The following KLF13 variants were observed in gnomAD, a reference collection of about 807,000 sequenced individuals.
The protein encoded by KLF13 is KLF transcription factor 13.
In KLF13, 8 loss-of-function variants were observed where a neutral mutation model predicts 16.7. The observed-to-expected ratio is 0.48, with a 90% CI of 0.28 to 0.87. The LOEUF (loss-of-function observed/expected upper bound fraction) is 0.87. KLF13 is among the 40% of genes least tolerant of loss of function. KLF13 has a pLI of 0.10. For synonymous variants in KLF13, 245 were observed against 208.4 expected, an observed-to-expected ratio of 1.18 and a Z score of -1.51; for missense variants, 447 against 452.2, an observed-to-expected ratio of 0.99 and a Z score of 0.10.
intron 1 of KLF13, among the ~76,000 whole-genome samples, chr15:31,384,191 C>A (rs1266664923): frequency 2.6e-5 from 4 of 152,186 alleles, no homozygotes; most frequent in Non-Finnish European, 5.9e-5. Flanking sequence ...GTAATCCCAG[C>A]ACTTTGGAAG....
chr15:31,336,382 T>G (rs192669188), intron 1 of KLF13, among the ~76,000 whole-genome samples: 47 of 152,250 alleles, frequency 3.1e-4, no homozygotes, highest in African/African-American at 1.1e-3. Flanking sequence ...CCAAGTGTCC[T>G]GGCATGTGGG....
chr15:31,369,812 T>G (rs1224497530), intron 1 of KLF13, among the ~76,000 whole-genome samples: 2 of 152,210 alleles, frequency 1.3e-5, no homozygotes, highest in Non-Finnish European at 2.9e-5. Flanking sequence ...GCCCTGTTCC[T>G]TTGTCTTCAG....
rs565254170 is a variant in KLF13 at position 31,359,086 on chromosome 15, G to C, written c.578-12924G>C. 3.9e-5 allele frequency among the ~76,000 whole-genome samples: 6 copies of C among 152,324 alleles called. No individual in the cohort carries two copies. In the South Asian group the frequency reaches 1.2e-3, roughly 32 times the overall value. On this transcript the variant is annotated intron_variant, in intron 1 of 1. Coordinates refer to ENST00000307145, the MANE Select transcript of KLF13 (RefSeq NM_015995.4). Reference sequence around the variant, plus strand: ...CTCTCATGAGTCCACAGGTAGCACCGTTCATCTGGAGAAGGCCTTCACTTG... The same window carrying C: ...CTCTCATGAGTCCACAGGTAGCACCCTTCATCTGGAGAAGGCCTTCACTTG...
At chr15:31,343,767 G>A (rs1466294071) in intron 1 of KLF13, among the ~76,000 whole-genome samples, 1 of 152,190 alleles carries the variant, frequency 6.6e-6, no homozygotes, top group African/African-American at 2.4e-5. Context: ...GTCCTGATGT[G>A]GGGATGTGCC....
At chr15:31,340,054 G>A in intron 1 of KLF13, 1 of 702,336 alleles carries the variant, frequency 1.4e-6, no homozygotes, top group Non-Finnish European at 2.6e-6. Flanking sequence ...TTGCCCTGGT[G>A]GGTGGTGTGT....
Position 31,418,281 on chromosome 15 carries a change from C to G in KLF13, n.118-17089C>G, listed in dbSNP as rs187461297. ...GAATAAAGGCTGAAAGAGCGATTAT[C>G]TATTTGAAGAAATTAGGAAAACAAA... On this transcript the variant is annotated intron_variant and non_coding_transcript_variant, in intron 1 of 1. Coordinates refer to the KLF13 transcript ENST00000558225. 7.4e-4 allele frequency among the ~76,000 whole-genome samples: 113 copies of G among 152,078 alleles called. 1 individual carries two copies. The highest frequency in any genetic ancestry group is 3.7e-4 in the Non-Finnish European group (25 of 67,992).
At chr15:31,369,657 G>A (rs1595478369) in intron 1 of KLF13, among the ~76,000 whole-genome samples, 2 of 152,226 alleles carry the variant, frequency 1.3e-5, no homozygotes, top group East Asian at 1.9e-4. Flanking sequence ...ATTTTCCCCC[G>A]TGAGTCTTGG....
intron 1 of KLF13, among the ~76,000 whole-genome samples, chr15:31,360,198 G>A (rs2039360765): frequency 6.6e-6 from 1 of 152,216 alleles, no homozygotes; most frequent in South Asian, 2.1e-4. Context: ...CCCTGTTCTA[G>A]GTTAGGACAG....
chr15:31,400,472 C>T (rs1449894688), intron 2 of KLF13, among the ~76,000 whole-genome samples: 1 of 152,068 alleles, frequency 6.6e-6, no homozygotes. Flanking sequence ...GTCAGCCAGC[C>T]TTACGAAGTG....
At chr15:31,381,747 T>G (rs534442855), downstream of KLF13, among the ~76,000 whole-genome samples, 13 of 152,360 alleles carry the variant, frequency 8.5e-5, no homozygotes, top group South Asian at 2.5e-3. Context: ...TGTTTTGTCA[T>G]CCTTCATAGT....
At chr15:31,431,334 CACTG>C (rs1199691934) in intron 1 of KLF13, among the ~76,000 whole-genome samples, 3 of 152,170 alleles carry the variant, frequency 2.0e-5, no homozygotes, top group African/African-American at 7.2e-5. Flanking sequence ...TCTCAGCCCA[CACTG>C]ACTAAGACAG....
chr15:31,382,354 G>A (rs1268569856), downstream of KLF13, among the ~76,000 whole-genome samples: 1 of 152,180 alleles, frequency 6.6e-6, no homozygotes, highest in Non-Finnish European at 1.5e-5. Flanking sequence ...CAGAGGGTAC[G>A]AGGCTCAGAG....
At chr15:31,393,995 C>T (rs550747149) in intron 2 of KLF13, among the ~76,000 whole-genome samples, 1 of 152,294 alleles carries the variant, frequency 6.6e-6, no homozygotes, top group East Asian at 1.9e-4. Flanking sequence ...CCTGGACAGA[C>T]AGGAAGCAAC....
At chr15:31,396,108 C>CAAGGT (rs1412625612) in intron 2 of KLF13, among the ~76,000 whole-genome samples, 1 of 152,204 alleles carries the variant, frequency 6.6e-6, no homozygotes, top group Non-Finnish European at 1.5e-5. Context: ...TCAATGCAAC[C>CAAGGT]TCCGTCTCCT....
chr15:31,365,301 C>T (rs1015298652), intron 1 of KLF13, among the ~76,000 whole-genome samples: 1 of 152,222 alleles, frequency 6.6e-6, no homozygotes, highest in African/African-American at 2.4e-5. Context: ...GACCCTTGCG[C>T]TCCAGAGGTC....
In KLF13 at chr15:31,364,767, C is replaced by T. The variant is rs565103640; in HGVS notation, c.578-7243C>T. ...TCCTCCTGGGCCTCACTTCCCTTAC[C>T]TGCTCAGTGGGTGGGTAAGAGCTTC... On this transcript the variant is annotated intron_variant, in intron 1 of 1. Coordinates refer to ENST00000307145, the MANE Select transcript of KLF13 (RefSeq NM_015995.4). Among the ~76,000 whole-genome samples the T allele has an allele frequency of 2.6e-5, 4 of 152,362 alleles. No homozygotes were observed. The South Asian group carries it at 8.3e-4, about 32-fold the overall frequency.
At chr15:31,391,787 A>C (rs1276754705), upstream of KLF13, among the ~76,000 whole-genome samples, 1 of 151,770 alleles carries the variant, frequency 6.6e-6, no homozygotes, top group East Asian at 1.9e-4. Flanking sequence ...GCCCTCGAGG[A>C]GTCCGCGGAG....
intron 1 of KLF13, among the ~76,000 whole-genome samples, chr15:31,358,206 G>A (rs2039330781): frequency 1.3e-5 from 2 of 152,232 alleles, no homozygotes; most frequent in South Asian, 4.1e-4. Flanking sequence ...TATCCTGGAA[G>A]CAACTGAAGG....
chr15:31,411,582 T>A (rs2040194352), intron 1 of KLF13, among the ~76,000 whole-genome samples: 1 of 149,864 alleles, frequency 6.7e-6, no homozygotes, highest in African/African-American at 2.5e-5. Context: ...TTTTTTTGTA[T>A]TTTTAGTAGA....
Sources: allele counts gnomAD v4.1 joint callset (sites outside exome capture counted in the v4.1 genomes callset), GRCh38; gene constraint gnomAD v4.1.1; transcripts MANE v1.5; gene names NCBI Gene and HGNC (gene_info 2026-07-23, HGNC 2026-07-21).